The following RAB2A variants were observed in gnomAD, a reference collection of about 807,000 sequenced individuals.
The protein encoded by RAB2A is RAB2A, member RAS oncogene family, also known as ras-related protein Rab-2A.
Under a neutral mutation model 32.5 loss-of-function variants are expected in RAB2A, and 7 were observed. The observed-to-expected ratio is 0.22, with a 90% confidence interval of 0.12 to 0.40. The LOEUF is 0.40. RAB2A is among the 10% of genes least tolerant of loss of function. RAB2A has a pLI of 1.00. For missense variants in RAB2A, 108 were observed against 260.7 expected (o/e 0.41, Z 4.03); for synonymous variants, 79 against 85.2 (o/e 0.93, Z 0.40).
intron 3 of RAB2A, among the ~76,000 whole-genome samples, chr8:60,582,334 T>C (rs78493408): frequency 8.5e-4 from 129 of 152,308 alleles, no homozygotes; most frequent in African/African-American, 2.9e-3. Context: ...ATGACATTAT[T>C]CTAACTGCCA....
intron 3 of RAB2A, among the ~76,000 whole-genome samples, chr8:60,577,240 G>T (rs1339610145): frequency 6.6e-6 from 1 of 151,816 alleles, no homozygotes; most frequent in African/African-American, 2.4e-5. Context: ...GTAGAGATGG[G>T]ATTTTGCCAT....
At chr8:60,526,007 A>G (rs1272385558) in intron 1 of RAB2A, among the ~76,000 whole-genome samples, 6 of 127,688 alleles carry the variant, frequency 4.7e-5, no homozygotes, top group South Asian at 2.5e-4. Flanking sequence ...ATATGTATAT[A>G]TGTGTGTGTG....
rs149879440 is a variant in RAB2A at position 60,578,107 on chromosome 8, T to A, written c.186+5994T>A. ...TTTGATAAATAACTAGCAATGCAAG[T>A]AAGAGAAGTATTACTGTAATACTGA... is the stretch of plus-strand genomic sequence containing the variant. On this transcript the variant is annotated intron_variant, in intron 3 of 7. Coordinates refer to ENST00000262646, the MANE Select transcript of RAB2A (RefSeq NM_002865.3). 1.8e-3 allele frequency among the ~76,000 whole-genome samples: 281 copies of A among 152,294 alleles called. 3 individuals are homozygous for A. Among genetic ancestry groups the A allele is most frequent in the Admixed American group, 0.013 (194 of 15,298 alleles).
chr8:60,591,992 T>G, intron 6 of RAB2A, 23 bp downstream of exon 6: 1 of 1,380,938 alleles, frequency 7.2e-7, no homozygotes, highest in Non-Finnish European at 1.0e-6. Context: ...CCCTTTAAAA[T>G]CTTCATCTTT....
chr8:60,533,544 A>T (rs150858527), intron 1 of RAB2A, among the ~76,000 whole-genome samples: 3 of 152,362 alleles, frequency 2.0e-5, no homozygotes, highest in Non-Finnish European at 4.4e-5. Context: ...TAAAATGGAA[A>T]GAGCTTGTTC....
chr8:60,576,651 G>A (rs1803638732), intron 3 of RAB2A, among the ~76,000 whole-genome samples: 1 of 152,028 alleles, frequency 6.6e-6, no homozygotes, highest in Non-Finnish European at 1.5e-5. Context: ...TACTCTTGAC[G>A]TATTATTTCT....
rs1009663465 is a variant in RAB2A, at chr8:60,517,043, C to G, written c.-165C>G. The G allele has an allele frequency of 4.4e-5, 26 of 589,460 alleles. No homozygotes were observed. The highest frequency in any genetic ancestry group is 6.1e-5 in the Non-Finnish European group (22 of 361,622). The allele number at this position is 589,460 out of a possible 1,614,324, so 36.5% of individuals were successfully genotyped here. A position where few individuals can be genotyped will look rare whatever the true frequency, so the allele number is the denominator to read the frequency against. On this transcript the variant is annotated 5_prime_UTR_variant, in exon 1 of 8. Transcript: ENST00000262646. ...TCCCTCGGCTCTGCGGGTGTCAGTT[C>G]GTCCGGCTTCCTCACAGCCCCTCAC... is the stretch of plus-strand genomic sequence containing the variant.
chr8:60,568,082 C>G (rs1301810470), intron 2 of RAB2A, among the ~76,000 whole-genome samples: 4 of 152,174 alleles, frequency 2.6e-5, no homozygotes, highest in Non-Finnish European at 5.9e-5. Context: ...TCCCTCAAGT[C>G]TCCATTTTGA....
intron 6 of RAB2A, among the ~76,000 whole-genome samples, chr8:60,598,178 C>A (rs1216343928): frequency 6.6e-6 from 1 of 152,164 alleles, no homozygotes; most frequent in African/African-American, 2.4e-5. Flanking sequence ...GCCTGGGCAA[C>A]AAGAGTGAAA....
intron 1 of RAB2A, among the ~76,000 whole-genome samples, chr8:60,542,101 C>T (rs989175617): frequency 3.9e-5 from 6 of 152,142 alleles, no homozygotes; most frequent in South Asian, 2.1e-4. Context: ...AAGGAAGATA[C>T]TTCTACCTTT....
intron 3 of RAB2A, among the ~76,000 whole-genome samples, chr8:60,579,845 T>A (rs1181467329): frequency 6.6e-6 from 1 of 152,002 alleles, no homozygotes; most frequent in African/African-American, 2.4e-5. Flanking sequence ...GCCAGGATGG[T>A]CTCGATCTCT....
rs1330974005 is a variant in RAB2A, at chr8:60,541,976, A to T, written c.47-16876A>T. ...TAAATAAATTATTTTATACATTCAC[A>T]GGCAGAAAATGTTCATCTTTGAAAA... On this transcript the variant is annotated intron_variant, in intron 1 of 7. Transcript: ENST00000262646. Among the ~76,000 whole-genome samples the T allele has an allele frequency of 5.9e-5, 9 of 152,330 alleles. No individual in the cohort carries two copies. In the East Asian group the frequency reaches 1.7e-3, roughly 29 times the overall value.
intron 6 of RAB2A, among the ~76,000 whole-genome samples, chr8:60,614,417 A>T (rs888530187): frequency 2.0e-5 from 3 of 151,942 alleles, no homozygotes; most frequent in African/African-American, 7.3e-5. Flanking sequence ...ATATGTGGCA[A>T]CGATTTTTTT....
At chr8:60,569,540 T>A (rs1808164746) in intron 2 of RAB2A, among the ~76,000 whole-genome samples, 2 of 152,194 alleles carry the variant, frequency 1.3e-5, no homozygotes, top group Non-Finnish European at 2.9e-5. Flanking sequence ...AGACAAGGTC[T>A]CACTCTGTCA....
At chr8:60,574,150 T>C (rs1743287892) in intron 3 of RAB2A, among the ~76,000 whole-genome samples, 1 of 152,244 alleles carries the variant, frequency 6.6e-6, no homozygotes, top group Admixed American at 6.5e-5. Context: ...CTTTTCCATT[T>C]AAGGCAACTA....
chr8:60,570,803 T>A (rs1451160146), intron 2 of RAB2A, among the ~76,000 whole-genome samples: 1 of 152,196 alleles, frequency 6.6e-6, no homozygotes, highest in East Asian at 1.9e-4. Context: ...TCGTTTTATG[T>A]CATGGGACAA....
intron 6 of RAB2A, among the ~76,000 whole-genome samples, chr8:60,599,658 C>T (rs1399475629): frequency 6.6e-6 from 1 of 151,944 alleles, no homozygotes; most frequent in African/African-American, 2.4e-5. Context: ...AACAAAGGTG[C>T]AAAAGTAGTT....
At chr8:60,591,817 C>G (rs778169475) in intron 5 of RAB2A, 41 bp from the exon 6 acceptor site, 2 of 1,269,204 alleles carry the variant, frequency 1.6e-6, no homozygotes, top group African/African-American at 1.5e-5. Flanking sequence ...CTGTTTGTAC[C>G]ATGTTGATTA....
intron 2 of RAB2A, chr8:60,559,187 G>A: frequency 2.9e-6 from 1 of 344,532 alleles, no homozygotes; most frequent in East Asian, 6.1e-5. Context: ...AACAATTTAA[G>A]AGACAGTATC....
Sources: gnomAD v4.1 joint callset for allele counts (sites outside exome capture counted in the v4.1 genomes callset) on GRCh38, gnomAD v4.1.1 for gene constraint, MANE v1.5 for transcripts, NCBI Gene and HGNC (gene_info 2026-07-23, HGNC 2026-07-21) for gene names.